Variants in LGR4 observed in about 807,000 individuals in gnomAD.
LGR4 encodes the protein leucine-rich repeat-containing G protein-coupled receptor 4.
A neutral mutation model predicts 84.8 loss-of-function variants in LGR4; 44 were observed. The observed-to-expected ratio is 0.52, with a 90% CI of 0.41 to 0.67. The LOEUF (loss-of-function observed/expected upper bound fraction) is 0.67, where lower values mean the gene tolerates loss of function less well. LGR4 is among the 30% of genes least tolerant of loss of function. The pLI, the probability that LGR4 is intolerant of heterozygous loss-of-function variation, is 0.00. For synonymous variants in LGR4, 429 were observed against 434.3 expected (o/e 0.99, Z 0.15); for missense variants, 1,032 against 1,131.4 (o/e 0.91, Z 1.26).
chr11:27,418,071 C>A (rs1863853960), intron 1 of LGR4, among the ~76,000 whole-genome samples: 1 of 152,150 alleles, frequency 6.6e-6, no homozygotes, highest in Non-Finnish European at 1.5e-5. Context: ...CCATTATGCA[C>A]ATATGTGCAA....
intron 1 of LGR4, among the ~76,000 whole-genome samples, chr11:27,414,397 A>T (rs1590374850): frequency 1.9e-5 from 2 of 107,686 alleles, no homozygotes; most frequent in South Asian, 2.3e-4. Flanking sequence ...ACCGGGGTTT[A>T]AAAAAAAAAA....
intron 1 of LGR4, among the ~76,000 whole-genome samples, chr11:27,455,698 C>T (rs555334938): frequency 2.0e-5 from 3 of 152,198 alleles, no homozygotes; most frequent in South Asian, 2.1e-4. Context: ...GAGAAGTTTC[C>T]GATACCTAAG....
intron 13 of LGR4, among the ~76,000 whole-genome samples, chr11:27,376,014 T>C (rs1862971900): frequency 6.6e-6 from 1 of 151,776 alleles, no homozygotes; most frequent in East Asian, 1.9e-4. Context: ...TTCACTCTTC[T>C]TTTTCAGCCT....
intron 1 of LGR4, among the ~76,000 whole-genome samples, chr11:27,469,745 G>T (rs750452084): frequency 2.0e-5 from 3 of 152,194 alleles, no homozygotes; most frequent in Non-Finnish European, 4.4e-5. Context: ...ATTAAGAATA[G>T]GTGAACAAAC....
chr11:27,465,529 C>T (rs1203356272), intron 1 of LGR4, among the ~76,000 whole-genome samples: 1 of 152,174 alleles, frequency 6.6e-6, no homozygotes, highest in Non-Finnish European at 1.5e-5. Flanking sequence ...CAGCCATACA[C>T]AAAGTTTAAT....
rs200956245 is a variant in LGR4 at position 27,472,083 on chromosome 11, T to TCC, written c.185+33_185+34dup. The TCC allele has an allele frequency of 3.1e-5, 31 of 1,004,648 alleles. No individual in the cohort carries two copies. The African/African-American group carries it at 4.9e-4, about 16-fold the overall frequency. 62.2% of individuals were successfully genotyped at this position (1,004,648 alleles called of 1,614,324 possible). A position where few individuals can be genotyped will look rare whatever the true frequency, so the allele number is the denominator to read the frequency against. On this transcript the variant is annotated intron_variant, in intron 1 of 17. Transcript: ENST00000379214. ...GCGCCCCCCGCTGGGCCCCGTTTCCTCCCCCCCCCTCGCGTCCCCGCCGCC... is the reference window on the plus strand; with the variant it reads ...GCGCCCCCCGCTGGGCCCCGTTTCCTCCCCCCCCCCCTCGCGTCCCCGCCGCC...
At chr11:27,395,010 T>G (rs764335932) in intron 2 of LGR4, among the ~76,000 whole-genome samples, 100 of 152,144 alleles carry the variant, frequency 6.6e-4, no homozygotes, top group Non-Finnish European at 6.5e-4. Context: ...TCTACCTTAG[T>G]GCAAGCTTGG....
chr11:27,368,688 A>C lies in LGR4; in HGVS notation c.2035T>G (p.Phe679Val). ...AFLGATVAGC[F>V]PLFHRGEYSA... Reference sequence around the variant, plus strand: ...TATTCCCCTCTATGGAAAAGGGGAAAACAGCCTGCTACTGTAGCACCTAGG... The same window carrying C: ...TATTCCCCTCTATGGAAAAGGGGAACACAGCCTGCTACTGTAGCACCTAGG... The change falls in exon 18 of 18, where the codon TTT becomes GTT. Residue 679 changes from phenylalanine (F) to valine (V), a missense_variant. Physicochemically the swap from Phe to Val is conservative, Grantham distance 50. Transcript: ENST00000379214. The C allele has an allele frequency of 6.2e-7, 1 of 1,613,892 alleles. No individual in the cohort carries two copies. The highest frequency in any genetic ancestry group is 8.5e-7 in the Non-Finnish European group (1 of 1,179,906).
At chr11:27,376,473 T>G (rs531961796) in intron 12 of LGR4, 103 bp from the exon 13 acceptor site, 3 of 533,966 alleles carry the variant, frequency 5.6e-6, no homozygotes, top group Non-Finnish European at 9.9e-6. Flanking sequence ...AAAGTTACTT[T>G]CTATTTTGAA....
intron 1 of LGR4, among the ~76,000 whole-genome samples, chr11:27,418,136 G>GTT (rs896709199): frequency 1.3e-5 from 2 of 151,552 alleles, no homozygotes; most frequent in African/African-American, 4.8e-5. Context: ...TTATCAATAG[G>GTT]TTTTTTTTTG....
chr11:27,373,934 G>T, intron 14 of LGR4, 41 bp downstream of exon 14: 1 of 1,346,320 alleles, frequency 7.4e-7, no homozygotes, highest in Non-Finnish European at 1.1e-6. Flanking sequence ...TATAGCACTA[G>T]TTACTACTTT....
At chr11:27,429,152 A>C (rs992322278) in intron 1 of LGR4, among the ~76,000 whole-genome samples, 1 of 152,116 alleles carries the variant, frequency 6.6e-6, no homozygotes, top group African/African-American at 2.4e-5. Flanking sequence ...AATAAAGAAA[A>C]TGGCTGAGAA....
chr11:27,458,660 T>G (rs1048614978), intron 1 of LGR4, among the ~76,000 whole-genome samples: 1 of 152,078 alleles, frequency 6.6e-6, no homozygotes, highest in Non-Finnish European at 1.5e-5. Context: ...TCTCTCAGCC[T>G]CCCGAGTAGC....
At chr11:27,444,684 A>G (rs1439081712) in intron 1 of LGR4, among the ~76,000 whole-genome samples, 1 of 152,256 alleles carries the variant, frequency 6.6e-6, no homozygotes, top group Non-Finnish European at 1.5e-5. Context: ...AAAAATATCC[A>G]TAGCCTAATT....
chr11:27,448,451 C>A (rs1028902985), intron 1 of LGR4, among the ~76,000 whole-genome samples: 1 of 151,984 alleles, frequency 6.6e-6, no homozygotes, highest in Admixed American at 6.6e-5. Context: ...TGCTTCCATG[C>A]CTGGCTAATT....
chr11:27,397,496 C>T (rs957200277), intron 2 of LGR4, among the ~76,000 whole-genome samples: 1 of 152,110 alleles, frequency 6.6e-6, no homozygotes, highest in African/African-American at 2.4e-5. Flanking sequence ...CCGCTAAGCC[C>T]CATTGTAAGA....
chr11:27,448,787 A>T (rs1192249214), intron 1 of LGR4, among the ~76,000 whole-genome samples: 1 of 152,196 alleles, frequency 6.6e-6, no homozygotes, highest in Non-Finnish European at 1.5e-5. Flanking sequence ...GAGAGTAATG[A>T]GACTAACAAA....
chr11:27,405,864 A>G (rs1565081839), intron 2 of LGR4, among the ~76,000 whole-genome samples: 1 of 152,084 alleles, frequency 6.6e-6, no homozygotes, highest in Non-Finnish European at 1.5e-5. Context: ...AACTCTCTCA[A>G]TTTCAAACTC....
At chr11:27,436,119 G>A (rs960066602) in intron 1 of LGR4, among the ~76,000 whole-genome samples, 4 of 151,822 alleles carry the variant, frequency 2.6e-5, no homozygotes, top group African/African-American at 9.7e-5. Context: ...CACCGTGTTA[G>A]CCAGGATGGT....
Sources: allele counts gnomAD v4.1 joint callset (sites outside exome capture counted in the v4.1 genomes callset), GRCh38; gene constraint gnomAD v4.1.1; transcripts MANE v1.5; gene names NCBI Gene and HGNC (gene_info 2026-07-23, HGNC 2026-07-21).